CTNNA2: variants seen among roughly 807,000 people sequenced by gnomAD.
CTNNA2 encodes catenin alpha-2.
Under a neutral mutation model 101.0 loss-of-function variants are expected in CTNNA2, and 42 were observed. That is an observed-to-expected ratio of 0.42 (90% confidence interval 0.32 to 0.54). The LOEUF is 0.54. CTNNA2 is among the 20% of genes least tolerant of loss of function. The probability of loss-of-function intolerance (pLI) is 0.14; values close to 1 mark genes in which losing one functional copy is unlikely to be tolerated. For synonymous variants in CTNNA2, 450 were observed against 456.4 expected (o/e 0.99, Z 0.18); for missense variants, 871 against 1,223.1 (o/e 0.71, Z 4.29).
intron 15 of CTNNA2, chr2:80,601,681 T>C (rs1203400305): frequency 2.6e-5 from 4 of 151,970 alleles, no homozygotes; most frequent in Non-Finnish European, 4.4e-5. Flanking sequence ...CTTGATAGTG[T>C]TCTAAATATA....
chr2:79,806,986 G>T (rs182328643), intron 3 of CTNNA2, among the ~76,000 whole-genome samples: 4 of 151,656 alleles, frequency 2.6e-5, no homozygotes, highest in Non-Finnish European at 4.4e-5. Flanking sequence ...TTCCTCCAAC[G>T]CCCCTGTTTC....
At chr2:79,897,630 G>A (rs1684806130) in intron 6 of CTNNA2, among the ~76,000 whole-genome samples, 1 of 152,156 alleles carries the variant, frequency 6.6e-6, no homozygotes, top group African/African-American at 2.4e-5. Flanking sequence ...AACCTACTCA[G>A]CTAGAAAGAA....
At chr2:80,112,620 T>C (rs985688164) in intron 7 of CTNNA2, among the ~76,000 whole-genome samples, 1 of 152,212 alleles carries the variant, frequency 6.6e-6, no homozygotes, top group African/African-American at 2.4e-5. Context: ...CTGCTTGATT[T>C]TGTGACCCTT....
intron 18 of CTNNA2, among the ~76,000 whole-genome samples, chr2:80,626,656 C>G (rs1347158490): frequency 6.6e-6 from 1 of 151,896 alleles, no homozygotes; most frequent in African/African-American, 2.4e-5. Flanking sequence ...ATTAAATTAC[C>G]CTTATAAGAT....
intron 3 of CTNNA2, among the ~76,000 whole-genome samples, chr2:79,320,811 A>G (rs1047125133): frequency 2.0e-5 from 3 of 152,190 alleles, no homozygotes; most frequent in African/African-American, 7.2e-5. Flanking sequence ...CAGGAACAAC[A>G]TGAAAGTACT....
intron 7 of CTNNA2, among the ~76,000 whole-genome samples, chr2:80,191,810 A>C (rs1228525555): frequency 6.6e-6 from 1 of 152,258 alleles, no homozygotes; most frequent in African/African-American, 2.4e-5. Context: ...AAGGCATTTC[A>C]TCTACAAACA....
At chr2:80,309,111 A>AAG (rs200394583) in intron 7 of CTNNA2, among the ~76,000 whole-genome samples, 7 of 151,792 alleles carry the variant, frequency 4.6e-5, no homozygotes, top group Admixed American at 1.3e-4. Context: ...AAAGAAAAAA[A>AAG]AGAGAGAGAG....
At chr2:79,420,236 C>G (rs1419755645) in intron 4 of CTNNA2, among the ~76,000 whole-genome samples, 1 of 152,082 alleles carries the variant, frequency 6.6e-6, no homozygotes, top group African/African-American at 2.4e-5. Context: ...TACTAATTGC[C>G]CTGCTTCTGT....
intron 2 of CTNNA2, among the ~76,000 whole-genome samples, chr2:79,246,594 A>G (rs561996740): frequency 6.6e-6 from 1 of 152,342 alleles, no homozygotes; most frequent in South Asian, 2.1e-4. Flanking sequence ...GGCAAAAGGA[A>G]TGAGACATAG....
intron 1 of CTNNA2, among the ~76,000 whole-genome samples, chr2:79,626,445 C>T (rs930462729): frequency 1.2e-4 from 19 of 152,104 alleles, no homozygotes; most frequent in African/African-American, 3.9e-4. Flanking sequence ...GAAATTTCAC[C>T]GTTCCGTTCA....
rs187903406 is a variant in CTNNA2, at chr2:80,567,887, T to A, written c.1742-6276T>A. 1.8e-3 allele frequency among the ~76,000 whole-genome samples: 276 copies of A among 152,282 alleles called. 1 individual carries two copies. The highest frequency in any genetic ancestry group is 3.7e-3 in the Admixed American group (57 of 15,290). On this transcript the variant is annotated intron_variant, in intron 12 of 18. Coordinates refer to ENST00000402739, the MANE Select transcript of CTNNA2 (RefSeq NM_001282597.3). ...AGATTCCTTTCAATGCTCTTTTTTT[T>A]ATTTTATGTTAACAGTTACTAAACT...
chr2:80,045,777 T>C (rs1696477965), intron 7 of CTNNA2, among the ~76,000 whole-genome samples: 1 of 152,150 alleles, frequency 6.6e-6, no homozygotes, highest in Admixed American at 6.6e-5. Flanking sequence ...CTTAGAAATA[T>C]ATCTGAGTGA....
rs772583598 is a variant in CTNNA2 at position 80,545,919 on chromosome 2, G to A, written c.1396G>A (p.Ala466Thr). 1.4e-5 allele frequency: 23 copies of A among 1,613,736 alleles called. No individual in the cohort carries two copies. Among genetic ancestry groups the A allele is most frequent in the Admixed American group, 6.7e-5 (4 of 59,978 alleles). ...DSLCPQVINA[A>T]LTLAARPQSK... ...TTCCAACAAATAGGTCATCAATGCC[G>A]CTCTGACACTGGCTGCCCGGCCACA... Residue 466 changes from alanine (A) to threonine (T), a missense_variant, in exon 11 of 19, where the codon GCT becomes ACT. This residue lies in a region of CTNNA2 where 647 missense variants were observed against 831.5 expected (regional missense o/e 0.78). Coordinates refer to ENST00000402739, the MANE Select transcript of CTNNA2 (RefSeq NM_001282597.3).
chr2:79,964,228 C>A (rs997830404), intron 7 of CTNNA2, among the ~76,000 whole-genome samples: 1 of 152,126 alleles, frequency 6.6e-6, no homozygotes, highest in African/African-American at 2.4e-5. Context: ...ATGTCCTGAC[C>A]GGTGTCAGAA....
chr2:79,716,199 C>G (rs895793243), intron 2 of CTNNA2, among the ~76,000 whole-genome samples: 51 of 152,080 alleles, frequency 3.4e-4, no homozygotes, highest in African/African-American at 1.2e-3. Flanking sequence ...AAAAGGAAGA[C>G]TTTTAAAAAT....
intron 7 of CTNNA2, among the ~76,000 whole-genome samples, chr2:80,351,115 A>G (rs1673248935): frequency 6.6e-6 from 1 of 152,172 alleles, no homozygotes; most frequent in Admixed American, 6.6e-5. Context: ...ATAAAAGAAT[A>G]AAAAGAAACA....
At chr2:79,204,736 T>C (rs1674079738) in intron 2 of CTNNA2, among the ~76,000 whole-genome samples, 1 of 152,218 alleles carries the variant, frequency 6.6e-6, no homozygotes, top group Non-Finnish European at 1.5e-5. Context: ...TGGTGAGGGC[T>C]GTATCCTACT....
intron 7 of CTNNA2, among the ~76,000 whole-genome samples, chr2:80,196,157 A>C (rs772747223): frequency 6.6e-6 from 1 of 152,032 alleles, no homozygotes; most frequent in South Asian, 2.1e-4. Flanking sequence ...TTACTGGGAG[A>C]CTGTAAAAAA....
chr2:79,646,184 G>A (rs554451648), intron 1 of CTNNA2, among the ~76,000 whole-genome samples: 1 of 152,312 alleles, frequency 6.6e-6, no homozygotes, highest in South Asian at 2.1e-4. Context: ...GTTTGAAAAG[G>A]AGAATTTCTG....
Sources: gnomAD v4.1 joint callset for allele counts (sites outside exome capture counted in the v4.1 genomes callset) on GRCh38, gnomAD v4.1.1 for gene constraint, gnomAD v4.1.1 regional missense constraint, MANE v1.5 for transcripts, NCBI Gene and HGNC (gene_info 2026-07-23, HGNC 2026-07-21) for gene names.